The following GPM6A variants were observed in gnomAD, a reference collection of about 807,000 sequenced individuals.
GPM6A encodes the protein glycoprotein M6A, also known as neuronal membrane glycoprotein M6-a.
In GPM6A, 7 loss-of-function variants were observed where a neutral mutation model predicts 32.1. That is an observed-to-expected ratio of 0.22 (90% CI 0.12 to 0.41). The LOEUF (loss-of-function observed/expected upper bound fraction) is 0.41. GPM6A is among the 10% of genes least tolerant of loss of function. The probability of loss-of-function intolerance (pLI) is 1.00; values close to 1 mark genes in which losing one functional copy is unlikely to be tolerated. For missense variants in GPM6A, 235 were observed against 347.2 expected (o/e 0.68, Z 2.57); for synonymous variants, 130 against 123.4 (o/e 1.05, Z -0.35).
At chr4:175,901,628 CTTTTTTTTTTTTCCT>C (rs1393229191) in intron 1 of GPM6A, among the ~76,000 whole-genome samples, 2 of 127,032 alleles carry the variant, frequency 1.6e-5, no homozygotes, top group Non-Finnish European at 3.2e-5. Context: ...TTTTCTTTTT[CTTTTTTTTTTTTCCT>C]TTTTTTTTTT....
intron 1 of GPM6A, among the ~76,000 whole-genome samples, chr4:175,777,770 A>G (rs2111246049): frequency 6.6e-6 from 1 of 152,296 alleles, no homozygotes; most frequent in East Asian, 1.9e-4. Flanking sequence ...TTAGAAATCA[A>G]CAATGTGCCC....
At chr4:175,911,740 T>G (rs531567975) in intron 1 of GPM6A, among the ~76,000 whole-genome samples, 6 of 152,158 alleles carry the variant, frequency 3.9e-5, no homozygotes, top group Non-Finnish European at 8.8e-5. Context: ...AAACTAGGAT[T>G]ATATGTACGA....
chr4:175,868,378 G>T (rs1466853086), intron 1 of GPM6A, among the ~76,000 whole-genome samples: 2 of 152,128 alleles, frequency 1.3e-5, no homozygotes, highest in Non-Finnish European at 2.9e-5. Flanking sequence ...AACACCCTTT[G>T]TCAGTCCTGT....
At chr4:175,828,877 C>G (rs1161393769) in intron 1 of GPM6A, among the ~76,000 whole-genome samples, 1 of 151,986 alleles carries the variant, frequency 6.6e-6, no homozygotes, top group Admixed American at 6.6e-5. Context: ...TTTATATTGG[C>G]ATTACAAACA....
chr4:175,733,828 A>G (rs1389261254), intron 1 of GPM6A, among the ~76,000 whole-genome samples: 2 of 152,202 alleles, frequency 1.3e-5, no homozygotes, highest in African/African-American at 4.8e-5. Flanking sequence ...ATGCTTTAAA[A>G]GCTAGCATTA....
chr4:175,894,937 C>T (rs1174109575), intron 1 of GPM6A, among the ~76,000 whole-genome samples: 1 of 152,160 alleles, frequency 6.6e-6, no homozygotes, highest in Non-Finnish European at 1.5e-5. Flanking sequence ...AAAGTCAAAA[C>T]ACTATTACTG....
chr4:175,854,610 G>A (rs189529629), intron 1 of GPM6A, among the ~76,000 whole-genome samples: 1 of 152,314 alleles, frequency 6.6e-6, no homozygotes, highest in Admixed American at 6.5e-5. Flanking sequence ...TAATTGCCTT[G>A]TTACTGCCCT....
At chr4:175,798,534 T>TG (rs1734327749) in intron 1 of GPM6A, 1 of 152,186 alleles carries the variant, frequency 6.6e-6, no homozygotes, top group Non-Finnish European at 1.5e-5. Flanking sequence ...CAATGAGCAA[T>TG]GTGGTAAATT....
chr4:175,686,092 A>T (rs941489159), intron 2 of GPM6A, among the ~76,000 whole-genome samples: 2 of 152,160 alleles, frequency 1.3e-5, no homozygotes, highest in Non-Finnish European at 2.9e-5. Flanking sequence ...GCCTCCAGTA[A>T]AACTACACAG....
At chr4:175,981,269 T>C (rs1740808235) in intron 1 of GPM6A, among the ~76,000 whole-genome samples, 1 of 152,188 alleles carries the variant, frequency 6.6e-6, no homozygotes, top group African/African-American at 2.4e-5. Flanking sequence ...TAAAGGGATA[T>C]AACTTGTTGC....
chr4:175,906,858 T>C (rs1436837883), intron 1 of GPM6A: 1 of 152,090 alleles, frequency 6.6e-6, no homozygotes, highest in Non-Finnish European at 1.5e-5. Context: ...GCCACTGAAA[T>C]AGATGAAAGT....
At chr4:175,750,539 A>G (rs1732291436) in intron 1 of GPM6A, among the ~76,000 whole-genome samples, 1 of 152,118 alleles carries the variant, frequency 6.6e-6, no homozygotes, top group African/African-American at 2.4e-5. Flanking sequence ...AAGAAAGTGT[A>G]TGTATATTAA....
At chr4:175,813,123 T>C, upstream of GPM6A, 1 of 946,834 alleles carries the variant, frequency 1.1e-6, no homozygotes. Context: ...TTGATGTCTT[T>C]GTTATTTATT....
At position 175,925,211 on chromosome 4, in the gene GPM6A, AT is replaced by A. The variant is rs759665086; in HGVS notation, c.-23+77097del. 2.6e-5 allele frequency among the ~76,000 whole-genome samples: 4 copies of A among 152,218 alleles called. No homozygotes were observed. In the South Asian group the frequency reaches 8.3e-4, roughly 31 times the overall value. ...TGGTAACGGAATACAATGATTTACG[AT>A]GTGAAACTGGAAATGGGTGTTTACA... On this transcript the variant is annotated intron_variant, in intron 1 of 7. Coordinates refer to the GPM6A transcript ENST00000280187.
chr4:175,951,612 C>T (rs560345772), intron 1 of GPM6A, among the ~76,000 whole-genome samples: 32 of 152,264 alleles, frequency 2.1e-4, no homozygotes, highest in Non-Finnish European at 2.8e-4. Context: ...AACTAGAATA[C>T]GCACAGTTAA....
At chr4:175,648,504 G>A (rs1741603717) in intron 4 of GPM6A, among the ~76,000 whole-genome samples, 2 of 152,126 alleles carry the variant, frequency 1.3e-5, no homozygotes, top group Non-Finnish European at 2.9e-5. Context: ...CTTGGCTTTC[G>A]ATACTGTATC....
chr4:175,924,195 G>T (rs1738759020), intron 1 of GPM6A, among the ~76,000 whole-genome samples: 1 of 152,106 alleles, frequency 6.6e-6, no homozygotes, highest in Non-Finnish European at 1.5e-5. Flanking sequence ...TAAATCTAAA[G>T]GTTAGCAGTG....
intron 1 of GPM6A, among the ~76,000 whole-genome samples, chr4:175,835,443 A>T (rs11736069): frequency 0.071 from 10,791 of 151,942 alleles, 454 homozygotes; most frequent in African/African-American, 0.092. Flanking sequence ...CCCAAAACTT[A>T]CTGTATACCT....
intron 1 of GPM6A, among the ~76,000 whole-genome samples, chr4:175,886,343 A>C (rs1579597874): frequency 6.6e-6 from 1 of 152,250 alleles, no homozygotes; most frequent in Non-Finnish European, 1.5e-5. Flanking sequence ...TCCAACAGAA[A>C]GTGACATAAT....
Sources: allele counts gnomAD v4.1 joint callset (sites outside exome capture counted in the v4.1 genomes callset), GRCh38; gene constraint gnomAD v4.1.1; transcripts MANE v1.5; gene names NCBI Gene and HGNC (gene_info 2026-07-23, HGNC 2026-07-21).